TTLL6: variants seen among roughly 807,000 people sequenced by gnomAD.
TTLL6 encodes the protein tubulin tyrosine ligase like 6.
A neutral mutation model predicts 96.4 loss-of-function variants in TTLL6; 75 were observed. The ratio of observed to expected loss-of-function variants is 0.78; its 90% CI spans 0.65 to 0.94. TTLL6 has a LOEUF of 0.94. TTLL6 is among the 40% of genes least tolerant of loss of function. The pLI is 0.00. For synonymous variants in TTLL6, 411 were observed against 419.4 expected (o/e 0.98, Z 0.24); for missense variants, 1,030 against 1,093.0 (o/e 0.94, Z 0.81).
intron 13 of TTLL6, among the ~76,000 whole-genome samples, chr17:48,774,085 AAAAAACAAAAC>A (rs2038810313): frequency 9.9e-6 from 1 of 100,544 alleles, no homozygotes; most frequent in African/African-American, 4.1e-5. Flanking sequence ...TCCATCTCAA[AAAAAACAAAAC>A]AAAAAAAAAA....
At chr17:48,770,936 CA>C (rs66852497) in intron 13 of TTLL6, among the ~76,000 whole-genome samples, 38,262 of 150,008 alleles carry the variant, frequency 0.26, 4,977 homozygotes, top group Admixed American at 0.38. Context: ...AACAAAGAAA[CA>C]AAAAAAAACA....
chr17:48,778,011 T>G (rs2038911908), intron 13 of TTLL6, among the ~76,000 whole-genome samples: 1 of 152,162 alleles, frequency 6.6e-6, no homozygotes, highest in Non-Finnish European at 1.5e-5. Flanking sequence ...GCCCGGTGGC[T>G]CACGCCTGTA....
intron 3 of TTLL6, among the ~76,000 whole-genome samples, chr17:48,802,210 C>T (rs1222666724): frequency 6.6e-6 from 1 of 152,066 alleles, no homozygotes; most frequent in Non-Finnish European, 1.5e-5. Flanking sequence ...GCTCAATGAT[C>T]CCCGTAGAAG....
chr17:48,792,026 T>G (rs1281562226), intron 8 of TTLL6, among the ~76,000 whole-genome samples: 1 of 152,162 alleles, frequency 6.6e-6, no homozygotes, highest in African/African-American at 2.4e-5. Context: ...GGGTCCCACC[T>G]CAGCCATCTG....
chr17:48,786,617 A>C (rs1162664860), intron 11 of TTLL6, among the ~76,000 whole-genome samples: 2 of 152,114 alleles, frequency 1.3e-5, no homozygotes, highest in African/African-American at 4.8e-5. Context: ...TTTGTTCCCC[A>C]CTTCCCAGCA....
intron 13 of TTLL6, among the ~76,000 whole-genome samples, chr17:48,780,126 A>T (rs1050759702): frequency 3.3e-5 from 5 of 152,122 alleles, no homozygotes; most frequent in African/African-American, 1.2e-4. Context: ...ATATAATCAA[A>T]TCATATTTAA....
At chr17:48,810,139 C>CAAAA (rs59291777) in intron 1 of TTLL6, among the ~76,000 whole-genome samples, 2 of 61,700 alleles carry the variant, frequency 3.2e-5, no homozygotes, top group African/African-American at 5.6e-5. Context: ...AACTCTGTCT[C>CAAAA]AAAAAAAAAA....
At position 48,804,830 on chromosome 17, in the gene TTLL6, C is replaced by T. The variant is rs1413143426; in HGVS notation, c.265G>A (p.Ala89Thr). ...TGGGCATTCTGAAGTCCGTTTTGTG[C>T]CCCTGGGTTCTCTCTCACAAAAGCC... ...ALAFVRENPGAQNGLQNAQQQ... is the reference protein window; with the variant it reads ...ALAFVRENPGTQNGLQNAQQQ... Residue 89 changes from alanine (A) to threonine (T), a missense_variant, in exon 2 of 16, where the codon GCA becomes ACA. Physicochemically the swap from Ala to Thr is moderately conservative, Grantham distance 58. Transcript: ENST00000393382. 1.9e-6 allele frequency: 3 copies of T among 1,552,338 alleles called. 1 individual carries two copies. Among genetic ancestry groups the T allele is most frequent in the South Asian group, 2.4e-5 (2 of 84,062 alleles).
intron 1 of TTLL6, among the ~76,000 whole-genome samples, chr17:48,811,695 C>CTTTT (rs34983566): frequency 1.3e-4 from 15 of 119,012 alleles, no homozygotes; most frequent in Non-Finnish European, 2.1e-4. Flanking sequence ...GAGCAGAAAG[C>CTTTT]TTTTTTTTTT....
At chr17:48,784,805 A>G in intron 13 of TTLL6, 118 bp downstream of exon 13, 1 of 774,452 alleles carries the variant, frequency 1.3e-6, no homozygotes, top group East Asian at 2.6e-5. Flanking sequence ...AAGGGGAGAC[A>G]CCAAGGCCCA....
At chr17:48,789,657 C>T (rs2039179606) in intron 10 of TTLL6, among the ~76,000 whole-genome samples, 1 of 152,100 alleles carries the variant, frequency 6.6e-6, no homozygotes, top group Admixed American at 6.6e-5. Context: ...CAAGTTCAAG[C>T]AATTCTCCTG....
At chr17:48,776,769 A>G (rs1242891030) in intron 13 of TTLL6, among the ~76,000 whole-genome samples, 1 of 152,176 alleles carries the variant, frequency 6.6e-6, no homozygotes, top group African/African-American at 2.4e-5. Context: ...ACTATTGTTA[A>G]AGACATTGTT....
chr17:48,768,181 C>A (rs1404649517), intron 15 of TTLL6, among the ~76,000 whole-genome samples: 1 of 151,598 alleles, frequency 6.6e-6, no homozygotes, highest in African/African-American at 2.4e-5. Context: ...CTGCAACCTT[C>A]AGCTCTGGGC....
At chr17:48,773,596 C>A (rs1465271748) in intron 13 of TTLL6, among the ~76,000 whole-genome samples, 3 of 152,072 alleles carry the variant, frequency 2.0e-5, no homozygotes, top group African/African-American at 7.2e-5. Context: ...GTGGTGCACG[C>A]CTGTATCCCA....
Position 48,790,179 on chromosome 17 carries a change from C to T in TTLL6, c.1225-73G>A, listed in dbSNP as rs556013433. ...AGCAGAGAGTGAGGCCGAGGTGCCA[C>T]CTCCAGGGCACTACCAAAGCCCACC... On this transcript the variant is annotated intron_variant, in intron 9 of 15. Coordinates refer to ENST00000393382, the MANE Select transcript of TTLL6 (RefSeq NM_001130918.3). 5.2e-6 allele frequency: 8 copies of T among 1,538,146 alleles called. No individual in the cohort carries two copies. The African/African-American group carries it at 5.4e-5, about 10-fold the overall frequency.
intron 1 of TTLL6, among the ~76,000 whole-genome samples, chr17:48,811,072 T>C (rs1005110143): frequency 1.6e-4 from 22 of 141,898 alleles, no homozygotes; most frequent in African/African-American, 2.6e-4. Flanking sequence ...ATTTTTCTTT[T>C]TTTTTTTTTT....
rs535648436 is a variant in TTLL6 at position 48,784,641 on chromosome 17, C to T, written c.2040+282G>A. Among the ~76,000 whole-genome samples, 16 of 152,246 alleles carry T rather than the reference C, an allele frequency of 1.1e-4. No homozygotes were observed. In the South Asian group the frequency reaches 2.5e-3, roughly 24 times the overall value. The stretch of plus-strand genomic sequence containing the variant: ...GCCTCAAGAACTGTGAGAGAATAAA[C>T]GGTGTTGCCTCCACCAAGTTGGAGG... On this transcript the variant is annotated intron_variant, in intron 13 of 15. Transcript: ENST00000393382.
At position 48,762,678 on chromosome 17, in the gene TTLL6, T is replaced by G. The variant is rs555346633; in HGVS notation, c.*296A>C. The G allele has an allele frequency of 9.0e-6, 2 of 221,522 alleles. No individual in the cohort carries two copies. Among genetic ancestry groups the G allele is most frequent in the African/African-American group, 2.3e-5 (1 of 42,580 alleles). 13.7% of individuals were successfully genotyped at this position (221,522 alleles called of 1,614,324 possible). On this transcript the variant is annotated 3_prime_UTR_variant, in exon 16 of 16. Coordinates refer to ENST00000393382, the MANE Select transcript of TTLL6 (RefSeq NM_001130918.3). ...GGGAGTATTCTGGATGATGGTGCCA[T>G]GTGAAGAACCCAGAGAAGTGCCACT...
At chr17:48,789,714 C>T (rs1280081363) in intron 10 of TTLL6, among the ~76,000 whole-genome samples, 1 of 151,952 alleles carries the variant, frequency 6.6e-6, no homozygotes, top group Non-Finnish European at 1.5e-5. Flanking sequence ...GCCACCATAC[C>T]CGGCTAATTT....
Sources: gnomAD v4.1 joint callset for allele counts (sites outside exome capture counted in the v4.1 genomes callset) on GRCh38, gnomAD v4.1.1 for gene constraint, MANE v1.5 for transcripts, NCBI Gene and HGNC (gene_info 2026-07-23, HGNC 2026-07-21) for gene names.